The following ATXN1 variants were observed in gnomAD, a reference collection of about 807,000 sequenced individuals.
ATXN1 encodes ataxin-1.
ATXN1 carries 8 observed loss-of-function variants against 56.4 expected under a neutral mutation model. That is an observed-to-expected ratio of 0.14 (90% CI 0.08 to 0.26). The LOEUF is 0.26. ATXN1 is among the 10% of genes least tolerant of loss of function. ATXN1 has a pLI of 1.00. For synonymous variants in ATXN1, 514 were observed against 494.6 expected (o/e 1.04, Z -0.52); for missense variants, 987 against 1,106.5 (o/e 0.89, Z 1.53).
At chr6:16,464,202 T>C (rs1459703419) in intron 6 of ATXN1, among the ~76,000 whole-genome samples, 1 of 152,160 alleles carries the variant, frequency 6.6e-6, no homozygotes, top group Non-Finnish European at 1.5e-5. Context: ...TCAGGAACTT[T>C]CCTGTCTTAC....
chr6:16,704,174 T>C (rs1162705143), intron 2 of ATXN1, among the ~76,000 whole-genome samples: 1 of 152,224 alleles, frequency 6.6e-6, no homozygotes, highest in Non-Finnish European at 1.5e-5. Flanking sequence ...CGCACTGAGT[T>C]AAAAATAAAA....
chr6:16,478,012 T>C (rs559696780), intron 6 of ATXN1, among the ~76,000 whole-genome samples: 2 of 152,318 alleles, frequency 1.3e-5, no homozygotes, highest in African/African-American at 4.8e-5. Flanking sequence ...CTTACTTGCC[T>C]TTAACGAAGT....
chr6:16,482,872 T>G (rs1760466653), intron 6 of ATXN1, among the ~76,000 whole-genome samples: 1 of 152,188 alleles, frequency 6.6e-6, no homozygotes, highest in Non-Finnish European at 1.5e-5. Flanking sequence ...ATCATTGATT[T>G]TTAGGAACCC....
intron 6 of ATXN1, among the ~76,000 whole-genome samples, chr6:16,435,949 G>A (rs2113589005): frequency 6.6e-6 from 1 of 152,092 alleles, no homozygotes; most frequent in Non-Finnish European, 1.5e-5. Flanking sequence ...CCAGGCTGGA[G>A]TGCAGTGGTG....
At chr6:16,567,178 T>C (rs1762245939) in intron 4 of ATXN1, among the ~76,000 whole-genome samples, 5 of 152,272 alleles carry the variant, frequency 3.3e-5, no homozygotes, top group Admixed American at 3.3e-4. Context: ...CTGGAATCTA[T>C]GAGGACAATC....
chr6:16,338,383 C>T (rs1358246826), intron 6 of ATXN1, among the ~76,000 whole-genome samples: 1 of 152,106 alleles, frequency 6.6e-6, no homozygotes, highest in African/African-American at 2.4e-5. Flanking sequence ...GTCCCAGCTA[C>T]GAGGGAGGCT....
At position 16,328,472 on chromosome 6, in the gene ATXN1, T is replaced by G; in HGVS notation, c.-160-2A>C. 1 of 1,242,966 alleles carries G rather than the reference T, an allele frequency of 8.0e-7. No homozygotes were observed. Among genetic ancestry groups the G allele is most frequent in the Non-Finnish European group, 1.0e-6 (1 of 976,856 alleles). The allele number at this position is 1,242,966 out of a possible 1,614,324, so 77.0% of individuals were successfully genotyped here. On this transcript the variant is annotated splice_acceptor_variant, in intron 6 of 7. Coordinates refer to ENST00000436367, the MANE Select transcript of ATXN1 (RefSeq NM_001128164.2). LOFTEE classifies it low-confidence loss of function (5UTR_SPLICE). This position sits in a 1 kb window ranked among gnomAD's most constrained non-coding sequence, Gnocchi z 6.2. ...ATCCGCCAACAGCAGCTCTGGATGC[T>G]GGGAAAGGGAAGAGGGCAGTGACAA...
At chr6:16,661,523 C>G (rs1396435437) in intron 2 of ATXN1, among the ~76,000 whole-genome samples, 1 of 152,132 alleles carries the variant, frequency 6.6e-6, no homozygotes, top group African/African-American at 2.4e-5. Context: ...TTATAAGCAG[C>G]CTGCAGGATG....
chr6:16,483,585 C>A (rs922213042), intron 6 of ATXN1, among the ~76,000 whole-genome samples: 8 of 152,204 alleles, frequency 5.3e-5, no homozygotes, highest in Non-Finnish European at 8.8e-5. Context: ...TTAGCATGCA[C>A]AAAGAGTTCA....
intron 2 of ATXN1, among the ~76,000 whole-genome samples, chr6:16,745,750 G>C (rs960384065): frequency 2.0e-5 from 3 of 152,012 alleles, no homozygotes; most frequent in Admixed American, 2.0e-4. Context: ...TGCAGAAAAC[G>C]TCACTGACAG....
intron 3 of ATXN1, among the ~76,000 whole-genome samples, chr6:16,617,651 C>T (rs907608252): frequency 3.3e-5 from 5 of 151,574 alleles, no homozygotes; most frequent in African/African-American, 1.2e-4. Context: ...CCTGCAGTCC[C>T]AGCTACTCGG....
At position 16,327,964 on chromosome 6, in the gene ATXN1, G is replaced by T. The variant is rs1166684970; in HGVS notation, c.347C>A (p.Ser116Tyr). The T allele has an allele frequency of 3.8e-5, 61 of 1,613,260 alleles. No homozygotes were observed. The highest frequency in any genetic ancestry group is 5.0e-5 in the Non-Finnish European group (59 of 1,179,810). ...YATPQPGTPV[S>Y]PVQYAHLPHT... ...CGGCAGGTGAGCGTACTGCACGGGG[G>T]ACACCGGGGTCCCTGGCTGCGGGGT... is the stretch of plus-strand genomic sequence containing the variant. Residue 116 changes from serine to tyrosine, a missense_variant, in exon 7 of 8, where the codon TCC becomes TAC. Physicochemically the swap from Ser to Tyr is moderately radical, Grantham distance 144. Coordinates refer to ENST00000436367, the MANE Select transcript of ATXN1 (RefSeq NM_001128164.2).
At chr6:16,573,363 T>A (rs1381689322) in intron 4 of ATXN1, among the ~76,000 whole-genome samples, 1 of 152,194 alleles carries the variant, frequency 6.6e-6, no homozygotes, top group Non-Finnish European at 1.5e-5. Context: ...CAACAATTAC[T>A]AAGTTATATT....
In ATXN1 at chr6:16,743,870, C is replaced by T. The variant is rs376775709; in HGVS notation, c.-615+9363G>A. Reference sequence around the variant, plus strand: ...GAAGGAGGAAGTGCGATGGGACCGACGTGGGACGAATACAGGGCAACATGT... The same window carrying T: ...GAAGGAGGAAGTGCGATGGGACCGATGTGGGACGAATACAGGGCAACATGT... On this transcript the variant is annotated intron_variant, in intron 2 of 7. Transcript: ENST00000436367. 2.0e-5 allele frequency among the ~76,000 whole-genome samples: 3 copies of T among 152,108 alleles called. No individual in the cohort carries two copies. In the East Asian group the frequency reaches 5.8e-4, roughly 29 times the overall value.
chr6:16,544,892 C>T (rs1028942282), intron 4 of ATXN1, among the ~76,000 whole-genome samples: 9 of 151,826 alleles, frequency 5.9e-5, no homozygotes, highest in Admixed American at 3.9e-4. Flanking sequence ...TGGAAGGAGG[C>T]GAGAAGATGA....
intron 2 of ATXN1, among the ~76,000 whole-genome samples, chr6:16,671,057 C>T (rs1217264992): frequency 6.6e-6 from 1 of 151,918 alleles, no homozygotes; most frequent in African/African-American, 2.4e-5. Context: ...CTGAAATTTG[C>T]TTTTATAAAA....
chr6:16,368,228 G>A (rs949465793), intron 6 of ATXN1, among the ~76,000 whole-genome samples: 14 of 151,594 alleles, frequency 9.2e-5, no homozygotes, highest in Non-Finnish European at 1.9e-4. Context: ...ATAGAAAGGT[G>A]ACAATGTTTC....
intron 6 of ATXN1, among the ~76,000 whole-genome samples, chr6:16,437,772 A>C (rs1257968983): frequency 6.6e-6 from 1 of 152,214 alleles, no homozygotes; most frequent in African/African-American, 2.4e-5. Context: ...TAAATGCATA[A>C]GTTGGCTCAG....
Position 16,614,644 on chromosome 6 carries a change from C to T in ATXN1, c.-488-28737G>A, listed in dbSNP as rs10046108. Among the ~76,000 whole-genome samples the T allele has an allele frequency of 3.5e-3, 534 of 151,720 alleles. 10 individuals carry two copies. The highest frequency in any genetic ancestry group is 0.024 in the Middle Eastern group (7 of 290). ...CAAGAGTCAATGATTAAATTCAGGCCACATGCGGTGGCTCATGCCTGTAAC... is the reference window on the plus strand; with the variant it reads ...CAAGAGTCAATGATTAAATTCAGGCTACATGCGGTGGCTCATGCCTGTAAC... On this transcript the variant is annotated intron_variant, in intron 3 of 7. Coordinates refer to ENST00000436367, the MANE Select transcript of ATXN1 (RefSeq NM_001128164.2).
Sources: allele counts gnomAD v4.1 joint callset (sites outside exome capture counted in the v4.1 genomes callset), GRCh38; gene constraint gnomAD v4.1.1; non-coding constraint Gnocchi (gnomAD v3.1); transcripts MANE v1.5; gene names NCBI Gene and HGNC (gene_info 2026-07-23, HGNC 2026-07-21).